Variants in GRIK1 observed in about 807,000 individuals in gnomAD.
GRIK1 encodes the protein glutamate ionotropic receptor kainate type subunit 1.
A neutral mutation model predicts 105.7 loss-of-function variants in GRIK1; 69 were observed. That is an observed-to-expected ratio of 0.65 (90% confidence interval 0.54 to 0.80). The LOEUF is 0.80. Ranked by LOEUF, GRIK1 falls within the 30% of genes least tolerant of loss-of-function variation. The pLI is 0.00. For synonymous variants in GRIK1, 438 were observed against 431.3 expected (o/e 1.02, Z -0.19); for missense variants, 1,109 against 1,167.3 (o/e 0.95, Z 0.73).
intron 1 of GRIK1, among the ~76,000 whole-genome samples, chr21:29,879,870 A>C (rs1007151939): frequency 1.3e-5 from 2 of 152,092 alleles, no homozygotes; most frequent in Non-Finnish European, 1.5e-5. Context: ...TTTTTTAACA[A>C]ATGCTTAACA....
intron 1 of GRIK1, among the ~76,000 whole-genome samples, chr21:29,760,702 G>C (rs956757270): frequency 1.3e-4 from 20 of 152,318 alleles, no homozygotes; most frequent in Admixed American, 2.0e-4. Flanking sequence ...ATTCTAGTAG[G>C]TCTTGTTTAT....
At chr21:29,572,814 A>G (rs1240166990) in intron 14 of GRIK1, among the ~76,000 whole-genome samples, 1 of 151,556 alleles carries the variant, frequency 6.6e-6, no homozygotes, top group African/African-American at 2.4e-5. Flanking sequence ...CTTGTTGCCC[A>G]GGCTGGAATG....
chr21:29,887,785 CA>C (rs1410847698), intron 1 of GRIK1, among the ~76,000 whole-genome samples: 31 of 152,036 alleles, frequency 2.0e-4, no homozygotes, highest in Admixed American at 2.0e-3. Flanking sequence ...TCTATGTTCA[CA>C]GCAGGAGAAG....
At chr21:29,868,575 C>T (rs79288292) in intron 1 of GRIK1, among the ~76,000 whole-genome samples, 2 of 152,060 alleles carry the variant, frequency 1.3e-5, no homozygotes, top group South Asian at 2.1e-4. Context: ...GCTGTAGGAT[C>T]ACTTTTCTAG....
At chr21:29,748,692 G>A (rs926715081) in intron 1 of GRIK1, 2 of 152,178 alleles carry the variant, frequency 1.3e-5, no homozygotes, top group African/African-American at 4.8e-5. Context: ...GGCCTACCAA[G>A]ATAGTTATTA....
chr21:29,814,425 A>C (rs1336077671), intron 1 of GRIK1, among the ~76,000 whole-genome samples: 2 of 152,038 alleles, frequency 1.3e-5, no homozygotes, highest in Non-Finnish European at 2.9e-5. Context: ...GTGAGCATGC[A>C]TATGGAGAAG....
At chr21:29,820,151 G>T (rs1212112806) in intron 1 of GRIK1, among the ~76,000 whole-genome samples, 1 of 152,064 alleles carries the variant, frequency 6.6e-6, no homozygotes, top group East Asian at 1.9e-4. Flanking sequence ...GCACACATAT[G>T]TGGGTCCCCA....
At position 29,689,893 on chromosome 21, in the gene GRIK1, C is replaced by G; in HGVS notation, c.379G>C (p.Glu127Gln). The stretch of plus-strand genomic sequence containing the variant: ...CAGCGGGTCTGTATGTGTGGAACTT[C>G]GAGAGCATTGCAAATAGACTGCACA... Reference protein sequence around the residue: ...SAVQSICNALEVPHIQTRWKH... With the variant: ...SAVQSICNALQVPHIQTRWKH... The change falls in exon 3 of 18, where the codon GAA becomes CAA. Residue 127 changes from glutamate to glutamine, a missense_variant. This residue lies in a region of GRIK1 where 612 missense variants were observed against 586.0 expected (regional missense o/e 1.04). Coordinates refer to ENST00000327783, the MANE Select transcript of GRIK1 (RefSeq NM_001330994.2). 2 of 1,613,706 alleles carry G rather than the reference C, an allele frequency of 1.2e-6. No homozygotes were observed. The highest frequency in any genetic ancestry group is 2.2e-5 in the South Asian group (2 of 91,052).
intron 1 of GRIK1, among the ~76,000 whole-genome samples, chr21:29,710,781 CTCCCTCCCTCCTTCCTTCCTTCCTTCCT>C (rs2064027899): frequency 2.3e-5 from 1 of 42,974 alleles, no homozygotes; most frequent in Admixed American, 2.2e-4. Flanking sequence ...CCCTCCCTCC[CTCCCTCCCTCCTTCCTTCCTTCCTTCCT>C]TCCTTCCTTC....
chr21:29,859,838 C>T (rs542878063), intron 1 of GRIK1, among the ~76,000 whole-genome samples: 1 of 152,286 alleles, frequency 6.6e-6, no homozygotes, highest in East Asian at 1.9e-4. Context: ...TCTGGGAGAG[C>T]CCAGGCAGGT....
chr21:29,823,249 T>C (rs1261242622), intron 1 of GRIK1, among the ~76,000 whole-genome samples: 1 of 151,976 alleles, frequency 6.6e-6, no homozygotes, highest in Admixed American at 6.6e-5. Flanking sequence ...GGTATAAATA[T>C]ATATGCATGT....
intron 7 of GRIK1, among the ~76,000 whole-genome samples, chr21:29,631,593 A>G (rs939774028): frequency 6.6e-6 from 1 of 152,172 alleles, no homozygotes; most frequent in African/African-American, 2.4e-5. Flanking sequence ...ACAGCTGTTC[A>G]TTATGGTAGC....
At chr21:29,761,936 C>T (rs1430570415) in intron 1 of GRIK1, among the ~76,000 whole-genome samples, 1 of 152,110 alleles carries the variant, frequency 6.6e-6, no homozygotes, top group African/African-American at 2.4e-5. Flanking sequence ...TTAGTAGAGA[C>T]AGGGTTTCAC....
intron 7 of GRIK1, among the ~76,000 whole-genome samples, chr21:29,620,802 T>TATATAGATAG (rs1276169939): frequency 4.6e-4 from 58 of 127,406 alleles, no homozygotes; most frequent in African/African-American, 1.8e-3. Flanking sequence ...TCTATATATA[T>TATATAGATAG]ATAGATATAT....
At chr21:29,851,491 T>C (rs1410817000) in intron 1 of GRIK1, among the ~76,000 whole-genome samples, 1 of 152,216 alleles carries the variant, frequency 6.6e-6, no homozygotes, top group Non-Finnish European at 1.5e-5. Flanking sequence ...TGGCATCTTC[T>C]AGGATCTCAC....
intron 15 of GRIK1, among the ~76,000 whole-genome samples, chr21:29,561,297 G>A (rs2146174551): frequency 6.6e-6 from 1 of 152,222 alleles, no homozygotes; most frequent in Admixed American, 6.5e-5. Context: ...AGGCATATAT[G>A]GGTATTGAAG....
intron 1 of GRIK1, among the ~76,000 whole-genome samples, chr21:29,857,196 G>A (rs987419714): frequency 2.0e-5 from 3 of 152,168 alleles, no homozygotes; most frequent in South Asian, 2.1e-4. Context: ...AGGTCAATGC[G>A]AAAGCTATCA....
At chr21:29,559,791 C>T (rs2090346441) in intron 15 of GRIK1, among the ~76,000 whole-genome samples, 1 of 152,092 alleles carries the variant, frequency 6.6e-6, no homozygotes, top group South Asian at 2.1e-4. Context: ...AACATTAGGA[C>T]AATTCACCTA....
At chr21:29,545,410 G>T (rs1440733369) in intron 16 of GRIK1, among the ~76,000 whole-genome samples, 1 of 152,208 alleles carries the variant, frequency 6.6e-6, no homozygotes, top group Non-Finnish European at 1.5e-5. Flanking sequence ...TTCCTGCACT[G>T]AAGGCCTGAG....
Sources: allele counts gnomAD v4.1 joint callset (sites outside exome capture counted in the v4.1 genomes callset), GRCh38; gene constraint gnomAD v4.1.1; regional missense constraint gnomAD v4.1.1; transcripts MANE v1.5; gene names NCBI Gene and HGNC (gene_info 2026-07-23, HGNC 2026-07-21).